The following RHOT1 variants were observed in gnomAD, a reference collection of about 807,000 sequenced individuals.
RHOT1 encodes the protein mitochondrial Rho GTPase 1.
In RHOT1, 27 loss-of-function variants were observed where a neutral mutation model predicts 95.3. That is an observed-to-expected ratio of 0.28 (90% CI 0.21 to 0.39). The LOEUF (loss-of-function observed/expected upper bound fraction) is 0.39, where lower values mean the gene tolerates loss of function less well. Ranked by LOEUF, RHOT1 falls within the 10% of genes least tolerant of loss-of-function variation. The probability of loss-of-function intolerance (pLI) is 1.00; values close to 1 mark genes in which losing one functional copy is unlikely to be tolerated. For missense variants in RHOT1, 578 were observed against 786.7 expected (o/e 0.73, Z 3.17); for synonymous variants, 227 against 263.5 (o/e 0.86, Z 1.34).
intron 1 of RHOT1, among the ~76,000 whole-genome samples, chr17:32,163,536 G>A (rs2033758610): frequency 6.6e-6 from 1 of 151,914 alleles, no homozygotes; most frequent in Non-Finnish European, 1.5e-5. Flanking sequence ...TTCGAGACCA[G>A]CCTGGCCAAT....
intron 1 of RHOT1, among the ~76,000 whole-genome samples, chr17:32,147,913 TTGA>T (rs200962176): frequency 0.038 from 5,760 of 152,144 alleles, 366 homozygotes; most frequent in African/African-American, 0.13. Context: ...CAAACACCCA[TTGA>T]GGTGAACTGC....
intron 1 of RHOT1, among the ~76,000 whole-genome samples, chr17:32,166,059 A>G (rs1373819221): frequency 3.3e-5 from 5 of 151,810 alleles, no homozygotes; most frequent in African/African-American, 1.2e-4. Flanking sequence ...ATGGTGGCAC[A>G]TGCTTGGAAT....
At chr17:32,145,223 C>T (rs935566961) in intron 1 of RHOT1, among the ~76,000 whole-genome samples, 2 of 151,900 alleles carry the variant, frequency 1.3e-5, no homozygotes, top group African/African-American at 4.8e-5. Context: ...TGGCTTTCAC[C>T]CAGGAGATGG....
intron 1 of RHOT1, among the ~76,000 whole-genome samples, chr17:32,147,789 A>C (rs2031597864): frequency 6.6e-6 from 1 of 151,596 alleles, no homozygotes; most frequent in South Asian, 2.1e-4. Context: ...ACTGCACTCC[A>C]GCCTGGGCGA....
chr17:32,190,035 A>G (rs2036366229), intron 8 of RHOT1, among the ~76,000 whole-genome samples: 1 of 152,114 alleles, frequency 6.6e-6, no homozygotes, highest in Non-Finnish European at 1.5e-5. Flanking sequence ...TAGCTTTATT[A>G]AGTAGAATTT....
intron 4 of RHOT1, 48 bp from the exon 5 acceptor site, chr17:32,175,914 T>A (rs771560975): frequency 3.8e-6 from 5 of 1,315,568 alleles, no homozygotes; most frequent in Non-Finnish European, 5.2e-6. Flanking sequence ...GTGCTGTCTA[T>A]GTTTTTATTA....
At chr17:32,214,810 C>A (rs534240856) in intron 19 of RHOT1, among the ~76,000 whole-genome samples, 2 of 151,186 alleles carry the variant, frequency 1.3e-5, no homozygotes, top group South Asian at 4.2e-4. Context: ...AACACTAGGT[C>A]CTAAGTCTTT....
chr17:32,171,080 C>T lies in RHOT1; in HGVS notation c.75C>T (p.Val25=). 1 of 1,601,306 alleles carries T rather than the reference C, an allele frequency of 6.2e-7. No individual in the cohort carries two copies. Among genetic ancestry groups the T allele is most frequent in the Non-Finnish European group, 8.5e-7 (1 of 1,173,610 alleles). Residue 25 remains valine, a synonymous_variant, in exon 2 of 20, where the codon GTC becomes GTT. Transcript: ENST00000545287. ...AGACATCACTGATTATGTCTCTGGT[C>T]AGTGAAGAATTTCCAGAAGAGGTAA... ...VGKTSLIMSL[V]SEEFPEEVPP... is the part of the protein sequence containing the mutation.
At chr17:32,213,211 T>G (rs1291294565) in intron 19 of RHOT1, among the ~76,000 whole-genome samples, 1 of 152,248 alleles carries the variant, frequency 6.6e-6, no homozygotes, top group Non-Finnish European at 1.5e-5. Context: ...TACATATATA[T>G]CTCTATTAAA....
chr17:32,183,097 C>T (rs1010931728), intron 7 of RHOT1, 74 bp from the exon 8 acceptor site: 7 of 1,223,702 alleles, frequency 5.7e-6, no homozygotes, highest in Admixed American at 4.3e-5. Context: ...CTTTTTTTTG[C>T]CTTATGTTGA....
intron 16 of RHOT1, 62 bp downstream of exon 16, chr17:32,204,035 T>G: frequency 8.7e-7 from 1 of 1,152,804 alleles, no homozygotes; most frequent in South Asian, 1.3e-5. Context: ...AATGACTCTT[T>G]GAAAACAAAT....
chr17:32,201,235 AAAAG>A (rs2037294692), intron 14 of RHOT1, among the ~76,000 whole-genome samples, 179 bp downstream of exon 14: 1 of 152,198 alleles, frequency 6.6e-6, no homozygotes. Flanking sequence ...ATTGTTTATG[AAAAG>A]AAAGAAAGTA....
At position 32,203,951 on chromosome 17, in the gene RHOT1, A is replaced by G. The variant is rs1477530346; in HGVS notation, c.1394A>G (p.Tyr465Cys). The G allele has an allele frequency of 1.2e-6, 2 of 1,609,984 alleles. No individual in the cohort carries two copies. The highest frequency in any genetic ancestry group is 1.3e-5 in the African/African-American group (1 of 74,854). Residue 465 changes from tyrosine (Y) to cysteine (C), a missense_variant, in exon 16 of 20, where the codon TAT (tyrosine) becomes TGT (cysteine). Tyr to Cys is a radical substitution (Grantham distance 194). Around this residue, in one of 4 missense-constraint regions of RHOT1, gnomAD observed 296 missense variants for 338.5 expected, o/e 0.87. Coordinates refer to ENST00000545287, the MANE Select transcript of RHOT1 (RefSeq NM_001033566.3). ...TATGCGATTAACACTGTTTATGTAT[A>G]TGGACAAGAGAAATACTTGTTGGTA... ...SYYAINTVYV[Y>C]GQEKYLLLHD... is the part of the protein sequence containing the mutation.
chr17:32,182,327 T>A (rs77942418), intron 6 of RHOT1, among the ~76,000 whole-genome samples: 11,197 of 150,424 alleles, frequency 0.074, 568 homozygotes, highest in East Asian at 0.22. Flanking sequence ...AAAAAAAAAT[T>A]TTTTTTTAAT....
intron 1 of RHOT1, among the ~76,000 whole-genome samples, chr17:32,169,443 G>A (rs1236342246): frequency 6.6e-6 from 1 of 152,130 alleles, no homozygotes; most frequent in Non-Finnish European, 1.5e-5. Context: ...TAAAAAAATT[G>A]CTAGAATAGA....
intron 19 of RHOT1, among the ~76,000 whole-genome samples, chr17:32,215,050 G>T (rs928222482): frequency 1.1e-4 from 16 of 151,598 alleles, no homozygotes; most frequent in African/African-American, 3.2e-4. Context: ...GGGACCACAG[G>T]CATGTGCCAC....
intron 1 of RHOT1, among the ~76,000 whole-genome samples, chr17:32,156,485 C>T (rs958981059): frequency 3.3e-5 from 5 of 152,062 alleles, no homozygotes; most frequent in Admixed American, 6.6e-5. Context: ...TGCCCAGGCT[C>T]GTTTTGAACT....
At chr17:32,192,332 C>CTTT (rs397857197) in intron 9 of RHOT1, 33 bp downstream of exon 9, 779 of 542,942 alleles carry the variant, frequency 1.4e-3, no homozygotes, top group South Asian at 3.2e-3. Flanking sequence ...ATTTGCGTAT[C>CTTT]TTTTTTTTTT....
intron 16 of RHOT1, among the ~76,000 whole-genome samples, chr17:32,204,950 T>G (rs2037599585): frequency 6.7e-6 from 1 of 149,324 alleles, no homozygotes; most frequent in African/African-American, 2.5e-5. Context: ...GCCACTGCAC[T>G]CCAGCCTGGG....
Sources: allele counts gnomAD v4.1 joint callset (sites outside exome capture counted in the v4.1 genomes callset), GRCh38; gene constraint gnomAD v4.1.1; regional missense constraint gnomAD v4.1.1; transcripts MANE v1.5; gene names NCBI Gene and HGNC (gene_info 2026-07-23, HGNC 2026-07-21).